PDE8A: variants seen among roughly 807,000 people sequenced by gnomAD.
PDE8A encodes phosphodiesterase 8A.
In PDE8A, 59 loss-of-function variants were observed where a neutral mutation model predicts 105.0. That is an observed-to-expected ratio of 0.56 (90% CI 0.46 to 0.70). The LOEUF is 0.70. PDE8A is among the 30% of genes least tolerant of loss of function. The pLI is 0.00. For synonymous variants in PDE8A, 355 were observed against 371.9 expected (o/e 0.95, Z 0.52); for missense variants, 1,014 against 1,045.9 (o/e 0.97, Z 0.42).
In PDE8A at chr15:85,067,136, C is replaced by A; in HGVS notation, c.366C>A (p.Asp122Glu). 6.2e-7 allele frequency: 1 copy of A among 1,613,960 alleles called. No homozygotes were observed. The highest frequency in any genetic ancestry group is 8.5e-7 in the Non-Finnish European group (1 of 1,179,904). The change falls in exon 3 of 22, where the codon GAC becomes GAA. Residue 122 changes from aspartate to glutamate, a missense_variant. Transcript: ENST00000394553. ...AGGCTGTCCTTGCCTGTTTCCTGGACAAACATCATGACATTATCATCATAG... is the reference window on the plus strand; with the variant it reads ...AGGCTGTCCTTGCCTGTTTCCTGGAAAAACATCATGACATTATCATCATAG... The part of the protein sequence containing the change: ...EAQAVLACFL[D>E]KHHDIIIIDH...
At chr15:85,058,787 T>C (rs1186134322) in intron 1 of PDE8A, among the ~76,000 whole-genome samples, 3 of 152,174 alleles carry the variant, frequency 2.0e-5, no homozygotes, top group African/African-American at 7.2e-5. Context: ...TTGAGTCATT[T>C]TTATTTTTTT....
intron 3 of PDE8A, among the ~76,000 whole-genome samples, chr15:85,071,197 A>C (rs1596489250): frequency 6.6e-6 from 1 of 152,120 alleles, no homozygotes; most frequent in Admixed American, 6.5e-5. Flanking sequence ...AAGCTGAAAT[A>C]CCAGTGGCCA....
In PDE8A at chr15:84,982,158, C is replaced by T. The variant is rs1242138868; in HGVS notation, c.-5C>T. 1 of 1,355,962 alleles carries T rather than the reference C, an allele frequency of 7.4e-7. No individual in the cohort carries two copies. Among genetic ancestry groups the T allele is most frequent in the Non-Finnish European group, 9.5e-7 (1 of 1,056,456 alleles). The allele number at this position is 1,355,962 out of a possible 1,614,324, so 84.0% of individuals were successfully genotyped here. A position where few individuals can be genotyped will look rare whatever the true frequency, so the allele number is the denominator to read the frequency against. On this transcript the variant is annotated 5_prime_UTR_variant, in exon 1 of 22. Transcript: ENST00000394553. ...CGCCAGCGTGTCCGCGGCGCCGCCG[C>T]CAGCATGGGCTGTGCCCCGAGCATC...
intron 1 of PDE8A, among the ~76,000 whole-genome samples, chr15:85,010,837 G>A (rs1219122368): frequency 6.6e-6 from 1 of 151,634 alleles, no homozygotes; most frequent in Non-Finnish European, 1.5e-5. Flanking sequence ...TGAAGGAGGG[G>A]AGCAGTTATT....
intron 3 of PDE8A, among the ~76,000 whole-genome samples, chr15:85,075,176 TAAAGC>T (rs1208423739): frequency 2.6e-5 from 4 of 152,264 alleles, no homozygotes; most frequent in African/African-American, 9.6e-5. Flanking sequence ...CCATGGCCTC[TAAAGC>T]TGCTTCTGCA....
chr15:84,986,757 G>A (rs534143306), intron 1 of PDE8A, among the ~76,000 whole-genome samples: 1 of 151,974 alleles, frequency 6.6e-6, no homozygotes, highest in East Asian at 1.9e-4. Flanking sequence ...GACTACAGGT[G>A]CGCACCATGC....
intron 14 of PDE8A, among the ~76,000 whole-genome samples, chr15:85,114,400 C>T (rs1460283701): frequency 6.6e-6 from 1 of 152,202 alleles, no homozygotes; most frequent in Non-Finnish European, 1.5e-5. Flanking sequence ...GATTGTCTTT[C>T]TCCCGCCATA....
intron 20 of PDE8A, among the ~76,000 whole-genome samples, chr15:85,126,767 AG>A (rs946185532): frequency 1.3e-5 from 2 of 152,196 alleles, no homozygotes; most frequent in African/African-American, 4.8e-5. Context: ...TACAGATTCA[AG>A]AAGCCCAGTG....
chr15:85,126,122 A>T, intron 19 of PDE8A, 85 bp from the exon 20 acceptor site: 1 of 901,982 alleles, frequency 1.1e-6, no homozygotes, highest in Non-Finnish European at 1.7e-6. Flanking sequence ...TGCTCTTTTT[A>T]TGCTTACAGT....
At chr15:85,127,329 C>A (rs144066105) in intron 20 of PDE8A, among the ~76,000 whole-genome samples, 2 of 152,252 alleles carry the variant, frequency 1.3e-5, no homozygotes, top group African/African-American at 4.8e-5. Context: ...CTCATCATTG[C>A]AATAGACAAA....
chr15:85,028,136 A>T (rs1487936727), intron 1 of PDE8A, among the ~76,000 whole-genome samples: 1 of 152,226 alleles, frequency 6.6e-6, no homozygotes, highest in Non-Finnish European at 1.5e-5. Flanking sequence ...ATATATGTAC[A>T]TGGTACACAA....
intron 1 of PDE8A, among the ~76,000 whole-genome samples, chr15:85,005,710 C>T (rs533908465): frequency 1.3e-3 from 192 of 152,308 alleles, no homozygotes; most frequent in African/African-American, 4.4e-3. Flanking sequence ...AAAGTCCAAT[C>T]TGATTCATTC....
intron 15 of PDE8A, 49 bp downstream of exon 15, chr15:85,115,536 G>A (rs1432517118): frequency 1.1e-6 from 1 of 917,832 alleles, no homozygotes; most frequent in Non-Finnish European, 1.7e-6. Flanking sequence ...TAATACTGCA[G>A]TCTAGCTTAA....
At chr15:85,041,425 C>T (rs1316400353) in intron 1 of PDE8A, among the ~76,000 whole-genome samples, 2 of 152,148 alleles carry the variant, frequency 1.3e-5, no homozygotes, top group Non-Finnish European at 2.9e-5. Context: ...AAGAGCAGCC[C>T]CACAGAGGAT....
intron 1 of PDE8A, among the ~76,000 whole-genome samples, chr15:85,042,144 TAAA>T (rs1218179017): frequency 6.6e-6 from 1 of 152,130 alleles, no homozygotes; most frequent in Non-Finnish European, 1.5e-5. Context: ...ATAGCCCTCT[TAAA>T]AGAAGACTCA....
At chr15:85,136,481 G>C in intron 20 of PDE8A, 53 bp from the exon 21 acceptor site, 2 of 1,577,940 alleles carry the variant, frequency 1.3e-6, no homozygotes, top group Non-Finnish European at 1.7e-6. Context: ...GCTGCCCCTA[G>C]GTGGAGTGGA....
intron 6 of PDE8A, among the ~76,000 whole-genome samples, 164 bp downstream of exon 6, chr15:85,083,808 A>G (rs541197666): frequency 6.6e-6 from 1 of 152,210 alleles, no homozygotes. Flanking sequence ...GTCTGCCTGG[A>G]TGTCTAATAA....
chr15:85,089,327 T>C lies in PDE8A; in HGVS notation c.636-11T>C. 7.0e-7 allele frequency: 1 copy of C among 1,422,406 alleles called. No individual in the cohort carries two copies. The highest frequency in any genetic ancestry group is 9.8e-7 in the Non-Finnish European group (1 of 1,020,064). 88.1% of individuals were successfully genotyped at this position (1,422,406 alleles called of 1,614,324 possible). ...TACATTAATCATTCCTTTTTTTGTT[T>C]ACTCATAAAGGGCTTGTAACTCAGT... On this transcript the variant is annotated splice_polypyrimidine_tract_variant and intron_variant, in intron 6 of 21. Transcript: ENST00000394553.
chr15:85,078,548 CAAAAAAAAAAAAAA>C (rs72174562), intron 5 of PDE8A, among the ~76,000 whole-genome samples: 2 of 94,346 alleles, frequency 2.1e-5, no homozygotes, highest in Non-Finnish European at 4.3e-5. Context: ...TACTCCATCT[CAAAAAAAAAAAAAA>C]AAAAAAAAGA....
Sources: gnomAD v4.1 joint callset for allele counts (sites outside exome capture counted in the v4.1 genomes callset) on GRCh38, gnomAD v4.1.1 for gene constraint, MANE v1.5 for transcripts, NCBI Gene and HGNC (gene_info 2026-07-23, HGNC 2026-07-21) for gene names.